GPM6A: variants seen among roughly 807,000 people sequenced by gnomAD.
The protein encoded by GPM6A is glycoprotein M6A, also known as neuronal membrane glycoprotein M6-a.
GPM6A carries 7 observed loss-of-function variants against 32.1 expected under a neutral mutation model. The ratio of observed to expected loss-of-function variants is 0.22; its 90% CI spans 0.12 to 0.41. The LOEUF (loss-of-function observed/expected upper bound fraction) is 0.41. Ranked by LOEUF, GPM6A falls within the 10% of genes least tolerant of loss-of-function variation. The pLI is 1.00. For synonymous variants in GPM6A, 130 were observed against 123.4 expected (o/e 1.05, Z -0.35); for missense variants, 235 against 347.2 (o/e 0.68, Z 2.57).
chr4:175,826,982 TCTCACTGA>T (rs1369286636), intron 1 of GPM6A, among the ~76,000 whole-genome samples: 2 of 152,202 alleles, frequency 1.3e-5, no homozygotes, highest in Non-Finnish European at 2.9e-5. Context: ...TTAACACTTG[TCTCACTGA>T]CTTCACAAGG....
intron 1 of GPM6A, among the ~76,000 whole-genome samples, chr4:175,832,598 A>T (rs1735649171): frequency 6.6e-6 from 1 of 152,222 alleles, no homozygotes; most frequent in Non-Finnish European, 1.5e-5. Context: ...ACCAACAGGA[A>T]GGAAGCATTA....
intron 1 of GPM6A, among the ~76,000 whole-genome samples, chr4:175,717,481 G>A (rs773623319): frequency 6.6e-6 from 1 of 152,000 alleles, no homozygotes; most frequent in Non-Finnish European, 1.5e-5. Context: ...TCACAGTGAC[G>A]AGACTTCACA....
chr4:175,644,052 C>T (rs1560847360), intron 4 of GPM6A, among the ~76,000 whole-genome samples: 1 of 151,820 alleles, frequency 6.6e-6, no homozygotes, highest in African/African-American at 2.4e-5. Flanking sequence ...TACTTGATCT[C>T]TCAAGTCTCC....
intron 3 of GPM6A, among the ~76,000 whole-genome samples, chr4:175,664,958 G>T (rs1265664538): frequency 1.3e-5 from 2 of 152,168 alleles, no homozygotes; most frequent in Non-Finnish European, 2.9e-5. Flanking sequence ...TACACAGCAT[G>T]TTACTATACC....
At chr4:175,738,198 A>G (rs1019757133) in intron 1 of GPM6A, among the ~76,000 whole-genome samples, 1 of 152,112 alleles carries the variant, frequency 6.6e-6, no homozygotes, top group African/African-American at 2.4e-5. Context: ...TCGGCCTCCC[A>G]ATGTGCTGGG....
chr4:175,809,449 C>A (rs1734828204), intron 1 of GPM6A, among the ~76,000 whole-genome samples: 1 of 151,238 alleles, frequency 6.6e-6, no homozygotes, highest in African/African-American at 2.4e-5. Context: ...AAGTGGCTTT[C>A]ATTTAGAGGC....
At chr4:175,715,178 T>C (rs1156686003) in intron 1 of GPM6A, among the ~76,000 whole-genome samples, 3 of 152,170 alleles carry the variant, frequency 2.0e-5, no homozygotes, top group Admixed American at 2.0e-4. Flanking sequence ...TCTCACAATC[T>C]TCAAAACTTT....
At chr4:175,881,904 G>C (rs1211339187) in intron 1 of GPM6A, among the ~76,000 whole-genome samples, 2 of 152,072 alleles carry the variant, frequency 1.3e-5, no homozygotes, top group Non-Finnish European at 2.9e-5. Context: ...ACAAGATAAT[G>C]GGTGCAGCAC....
chr4:175,871,191 A>G (rs1350968909), intron 1 of GPM6A, among the ~76,000 whole-genome samples: 1 of 152,104 alleles, frequency 6.6e-6, no homozygotes, highest in Non-Finnish European at 1.5e-5. Context: ...TCAGTCTGCC[A>G]GGCGCAGTGG....
At chr4:175,941,386 T>A (rs2126343006) in intron 1 of GPM6A, among the ~76,000 whole-genome samples, 2 of 152,306 alleles carry the variant, frequency 1.3e-5, no homozygotes, top group Admixed American at 1.3e-4. Context: ...TAGAAGCTTA[T>A]TTTCTTTTTT....
intron 1 of GPM6A, among the ~76,000 whole-genome samples, chr4:175,725,629 G>A (rs1259587497): frequency 6.6e-6 from 1 of 152,002 alleles, no homozygotes; most frequent in Non-Finnish European, 1.5e-5. Flanking sequence ...TTATATTAGT[G>A]TATATTTTTG....
intron 1 of GPM6A, among the ~76,000 whole-genome samples, chr4:175,740,889 C>G (rs1357264448): frequency 6.6e-6 from 1 of 151,942 alleles, no homozygotes. Flanking sequence ...TAAATATATT[C>G]CATGAAGGTT....
intron 1 of GPM6A, among the ~76,000 whole-genome samples, chr4:175,856,144 T>G (rs994007445): frequency 6.6e-6 from 1 of 152,200 alleles, no homozygotes; most frequent in Non-Finnish European, 1.5e-5. Flanking sequence ...GTAAAAGGGA[T>G]TTTTTAAGGT....
chr4:175,927,675 A>G (rs1738889311), intron 1 of GPM6A, among the ~76,000 whole-genome samples: 1 of 152,226 alleles, frequency 6.6e-6, no homozygotes, highest in South Asian at 2.1e-4. Context: ...ACTTGAGGTC[A>G]GGCGCTCGAG....
intron 5 of GPM6A, among the ~76,000 whole-genome samples, chr4:175,640,465 T>C (rs1201037923): frequency 2.0e-5 from 3 of 152,200 alleles, no homozygotes. Context: ...ATTATAACAA[T>C]ATAAGGAGGG....
chr4:175,832,341 A>T (rs563117341), intron 1 of GPM6A, among the ~76,000 whole-genome samples: 1 of 152,274 alleles, frequency 6.6e-6, no homozygotes, highest in Admixed American at 6.5e-5. Context: ...TTTTTTCTTT[A>T]TAAAGACAAG....
At chr4:175,906,099 C>A (rs1253681561) in intron 1 of GPM6A, among the ~76,000 whole-genome samples, 1 of 152,062 alleles carries the variant, frequency 6.6e-6, no homozygotes, top group Admixed American at 6.6e-5. Context: ...GTGCTTAACA[C>A]CATCAAATTC....
intron 1 of GPM6A, among the ~76,000 whole-genome samples, chr4:175,867,947 C>A (rs1015809109): frequency 2.0e-5 from 3 of 152,170 alleles, no homozygotes; most frequent in African/African-American, 7.2e-5. Flanking sequence ...CAAAATGGTT[C>A]ATTTTCCCCT....
At chr4:175,640,897 A>C in intron 4 of GPM6A, 68 bp from the exon 5 acceptor site, 1 of 960,464 alleles carries the variant, frequency 1.0e-6, no homozygotes, top group Non-Finnish European at 1.6e-6. Flanking sequence ...GAAAAAAATG[A>C]GTTTTTGCTA....
Sources: gnomAD v4.1 joint callset for allele counts (sites outside exome capture counted in the v4.1 genomes callset) on GRCh38, gnomAD v4.1.1 for gene constraint, MANE v1.5 for transcripts, NCBI Gene and HGNC (gene_info 2026-07-23, HGNC 2026-07-21) for gene names.